PRRC2B: variants seen among roughly 807,000 people sequenced by gnomAD.
The protein encoded by PRRC2B is protein PRRC2B.
In PRRC2B, 68 loss-of-function variants were observed where a neutral mutation model predicts 242.3. The observed-to-expected ratio is 0.28, with a 90% CI of 0.23 to 0.34. The LOEUF (loss-of-function observed/expected upper bound fraction) is 0.34, where lower values mean the gene tolerates loss of function less well. PRRC2B is among the 10% of genes least tolerant of loss of function. PRRC2B has a pLI of 1.00. For missense variants in PRRC2B, 2,835 were observed against 2,954.8 expected (o/e 0.96, Z 0.94); for synonymous variants, 1,228 against 1,173.6 (o/e 1.05, Z -0.95).
At chr9:131,486,206 C>G (rs1177143927) in intron 26 of PRRC2B, 24 bp downstream of exon 26, 2 of 1,527,422 alleles carry the variant, frequency 1.3e-6, no homozygotes, top group East Asian at 4.6e-5. Flanking sequence ...GCCAGGTGGC[C>G]TGGCTGGGGG....
At chr9:131,452,757 A>T (rs186931556) in intron 9 of PRRC2B, among the ~76,000 whole-genome samples, 1 of 152,114 alleles carries the variant, frequency 6.6e-6, no homozygotes, top group African/African-American at 2.4e-5. Flanking sequence ...ACATTTCTAG[A>T]TTGCTAATTT....
At chr9:131,434,309 A>G (rs1414116315) in intron 3 of PRRC2B, among the ~76,000 whole-genome samples, 2 of 152,252 alleles carry the variant, frequency 1.3e-5, no homozygotes, top group Non-Finnish European at 2.9e-5. Flanking sequence ...CAAAAGTTCT[A>G]GAGAGGACAA....
At chr9:131,457,886 T>TA (rs1943128478) in intron 10 of PRRC2B, among the ~76,000 whole-genome samples, 1 of 152,176 alleles carries the variant, frequency 6.6e-6, no homozygotes, top group Admixed American at 6.5e-5. Flanking sequence ...TCTCCTAAGC[T>TA]ATGTTACCTG....
rs1422192298 is a variant in PRRC2B, at chr9:131,484,686, G to T, written c.5461G>T (p.Ala1821Ser). 2 of 1,599,666 alleles carry T rather than the reference G, an allele frequency of 1.3e-6. No homozygotes were observed. The highest frequency in any genetic ancestry group is 1.7e-5 in the Admixed American group (1 of 57,490). The change falls in exon 24 of 32, where the codon GCA (alanine) becomes TCA (serine). Residue 1821 changes from alanine to serine, a missense_variant and splice_region_variant. Physicochemically the swap from Ala to Ser is moderately conservative, Grantham distance 99. Transcript: ENST00000683519. ...ATGGTTTCCTTTTCCTCCTCTCCAG[G>T]CAGGGTTAACACAGAGTATCCCCAT... ...VKLQDALASN[A>S]GLTQSIPILR...
At chr9:131,490,423 A>T in intron 28 of PRRC2B, 1 of 518,402 alleles carries the variant, frequency 1.9e-6, no homozygotes, top group Non-Finnish European at 3.8e-6. Context: ...CATCATTTTC[A>T]TCCTGCACCA....
At position 131,415,236 on chromosome 9, in the gene PRRC2B, C is replaced by G. The variant is rs763881809; in HGVS notation, c.-51-14858C>G. The stretch of plus-strand genomic sequence containing the variant: ...TCTTGAACTCCGGACCTCAGGTGAT[C>G]CACCCGCCTTGGCCTCCCAAAGTGG... On this transcript the variant is annotated intron_variant, in intron 1 of 31. Coordinates refer to ENST00000683519, the MANE Select transcript of PRRC2B (RefSeq NM_013318.4). 1.8e-4 allele frequency among the ~76,000 whole-genome samples: 28 copies of G among 152,164 alleles called. 1 individual carries two copies. The highest frequency in any genetic ancestry group is 2.9e-4 in the Non-Finnish European group (20 of 68,020).
intron 1 of PRRC2B, among the ~76,000 whole-genome samples, chr9:131,395,133 A>G (rs1180566971): frequency 6.6e-6 from 1 of 151,846 alleles, no homozygotes; most frequent in Non-Finnish European, 1.5e-5. Flanking sequence ...CCTTTAGGCA[A>G]GAATTGGAGG....
At chr9:131,460,396 T>C (rs1943208300) in intron 11 of PRRC2B, among the ~76,000 whole-genome samples, 1 of 152,228 alleles carries the variant, frequency 6.6e-6, no homozygotes, top group African/African-American at 2.4e-5. Flanking sequence ...TTTATCATCA[T>C]CTTTCTTGTG....
At chr9:131,451,749 T>C (rs1942926906) in intron 9 of PRRC2B, among the ~76,000 whole-genome samples, 1 of 152,222 alleles carries the variant, frequency 6.6e-6, no homozygotes, top group African/African-American at 2.4e-5. Flanking sequence ...CTGTGTCTAG[T>C]TTGCTGAGCC....
At chr9:131,420,447 T>TCTCTCTCTCTCTCTCTC (rs1564278447) in intron 1 of PRRC2B, among the ~76,000 whole-genome samples, 1 of 118,458 alleles carries the variant, frequency 8.4e-6, no homozygotes, top group Non-Finnish European at 1.8e-5. Context: ...TTCTTTTTCT[T>TCTCTCTCTCTCTCTCTC]TTTCTTTTTC....
chr9:131,386,825 T>C (rs954737939), intron 1 of PRRC2B, among the ~76,000 whole-genome samples: 4 of 149,354 alleles, frequency 2.7e-5, no homozygotes, highest in African/African-American at 7.3e-5. Context: ...ATCATATATA[T>C]ATATAAGTCA....
Position 131,498,858 on chromosome 9 carries a change from G to A in PRRC2B, c.*2984G>A, listed in dbSNP as rs889752891. 1 of 152,202 alleles carries A rather than the reference G, an allele frequency of 6.6e-6. No homozygotes were observed. Among genetic ancestry groups the A allele is most frequent in the African/African-American group, 2.4e-5 (1 of 41,444 alleles). The allele number at this position is 152,202 out of a possible 1,614,324, so 9.4% of individuals were successfully genotyped here. A position where few individuals can be genotyped will look rare whatever the true frequency, so the allele number is the denominator to read the frequency against. ...GGTATTGTCCACCATCCACTAGAGT[G>A]GGATGAAGTCCAGAGTGTGGGTATA... On this transcript the variant is annotated 3_prime_UTR_variant, in exon 32 of 32. Transcript: ENST00000683519.
intron 29 of PRRC2B, 58 bp downstream of exon 29, chr9:131,491,638 T>G: frequency 6.7e-7 from 1 of 1,483,686 alleles, no homozygotes; most frequent in Non-Finnish European, 9.1e-7. Context: ...CACCAACTTT[T>G]TCTAGCAAGC....
At position 131,385,734 on chromosome 9, in the gene PRRC2B, C is replaced by A. The variant is rs963632869; in HGVS notation, c.-56+12003C>A. On this transcript the variant is annotated intron_variant, in intron 1 of 1. Transcript: ENST00000682525. The stretch of plus-strand genomic sequence containing the variant: ...TTTGAGGCGGAGTCTCGCCTTGTCG[C>A]CCAGGCTGGAGTGCAGTGGTGTGAT... Among the ~76,000 whole-genome samples, 20 of 150,674 alleles carry A rather than the reference C, an allele frequency of 1.3e-4. 1 individual carries two copies. Among genetic ancestry groups the A allele is most frequent in the African/African-American group, 4.3e-4 (18 of 41,388 alleles).
In PRRC2B at chr9:131,495,877, G is replaced by C. The variant is rs1944321079; in HGVS notation, c.*3G>C. 2 of 1,599,122 alleles carry C rather than the reference G, an allele frequency of 1.3e-6. No homozygotes were observed. The highest frequency in any genetic ancestry group is 1.7e-5 in the Admixed American group (1 of 59,792). On this transcript the variant is annotated 3_prime_UTR_variant, in exon 32 of 32. Coordinates refer to ENST00000683519, the MANE Select transcript of PRRC2B (RefSeq NM_013318.4). ...AAGTGGAGGAGAGTAAGGCCTGACA[G>C]TGCCTGGCTGCCACCTCGCCTCTCC...
intron 1 of PRRC2B, among the ~76,000 whole-genome samples, chr9:131,427,728 A>G (rs1380796298): frequency 6.6e-6 from 1 of 152,186 alleles, no homozygotes; most frequent in Non-Finnish European, 1.5e-5. Context: ...TGTCAGAACA[A>G]GATGGTGAAA....
rs765084242 is a variant in PRRC2B at position 131,397,274 on chromosome 9, C to G, written c.-52+3011C>G. ...TGATTGCATGCCCTTGCCTTAGGCC[C>G]TAAGCCCACTGTGTGGGCGTCCCAT... On this transcript the variant is annotated intron_variant, in intron 1 of 31. Transcript: ENST00000683519. Among the ~76,000 whole-genome samples the G allele has an allele frequency of 1.1e-4, 17 of 152,230 alleles. 1 individual carries two copies. The highest frequency in any genetic ancestry group is 2.1e-4 in the Non-Finnish European group (14 of 68,044).
chr9:131,416,510 A>T (rs1837658271), intron 1 of PRRC2B, among the ~76,000 whole-genome samples: 1 of 152,192 alleles, frequency 6.6e-6, no homozygotes, highest in Non-Finnish European at 1.5e-5. Flanking sequence ...CCCATTAAAC[A>T]CATCTTATGT....
chr9:131,482,353 AT>A lies in PRRC2B; in HGVS notation c.4984-14del. 2 of 1,546,804 alleles carry A rather than the reference AT, an allele frequency of 1.3e-6. No individual in the cohort carries two copies. Among genetic ancestry groups the A allele is most frequent in the East Asian group, 2.3e-5 (1 of 43,676 alleles). On this transcript the variant is annotated splice_polypyrimidine_tract_variant and intron_variant, in intron 20 of 31. Coordinates refer to ENST00000683519, the MANE Select transcript of PRRC2B (RefSeq NM_013318.4). The surrounding 1 kb of genome is among the most constrained non-coding windows in gnomAD (Gnocchi z 5.2). ...AGTTGGGAGTTTGAGGCTATAACCC[AT>A]TTTGTGCTCTGCACAGCAGGGTTTT...
Sources: allele counts gnomAD v4.1 joint callset (sites outside exome capture counted in the v4.1 genomes callset), GRCh38; gene constraint gnomAD v4.1.1; non-coding constraint Gnocchi (gnomAD v3.1); transcripts MANE v1.5; gene names NCBI Gene and HGNC (gene_info 2026-07-23, HGNC 2026-07-21).